The following MDFIC variants were observed in gnomAD, a reference collection of about 807,000 sequenced individuals.
MDFIC encodes the protein MyoD family inhibitor domain containing, also known as myoD family inhibitor domain-containing protein.
In MDFIC, 17 loss-of-function variants were observed where a neutral mutation model predicts 23.2. That is an observed-to-expected ratio of 0.73 (90% CI 0.50 to 1.10). The LOEUF is 1.10. Among genes scored for constraint, MDFIC ranks in the 50% least tolerant of loss-of-function variants. MDFIC has a pLI of 0.00. For missense variants in MDFIC, 356 were observed against 316.6 expected (o/e 1.12, Z -0.95); for synonymous variants, 120 against 115.2 (o/e 1.04, Z -0.27).
At chr7:114,973,522 C>T (rs1394026758) in intron 3 of MDFIC, among the ~76,000 whole-genome samples, 1 of 152,104 alleles carries the variant, frequency 6.6e-6, no homozygotes, top group Non-Finnish European at 1.5e-5. Context: ...CAAGGGAAAG[C>T]TGAGAAATGG....
At chr7:115,002,583 G>C (rs1791485957) in intron 4 of MDFIC, among the ~76,000 whole-genome samples, 1 of 152,170 alleles carries the variant, frequency 6.6e-6, no homozygotes, top group Non-Finnish European at 1.5e-5. Flanking sequence ...TTTTGGTGCT[G>C]TTCTTTTTAA....
At chr7:114,987,947 G>T (rs528300920) in intron 4 of MDFIC, among the ~76,000 whole-genome samples, 3 of 152,232 alleles carry the variant, frequency 2.0e-5, no homozygotes, top group African/African-American at 7.2e-5. Flanking sequence ...TATGTATTTG[G>T]TGAGGAGCAA....
chr7:114,963,178 G>C (rs1455969217), intron 3 of MDFIC, among the ~76,000 whole-genome samples: 1 of 152,146 alleles, frequency 6.6e-6, no homozygotes, highest in Non-Finnish European at 1.5e-5. Context: ...ATTTATAATG[G>C]TAATGGCGTA....
intron 4 of MDFIC, among the ~76,000 whole-genome samples, chr7:115,004,819 G>A (rs1791536799): frequency 1.3e-5 from 2 of 151,958 alleles, no homozygotes; most frequent in Admixed American, 1.3e-4. Context: ...ATGGACCAGA[G>A]TACACAGTTT....
chr7:115,010,784 T>G (rs562594409), intron 4 of MDFIC, among the ~76,000 whole-genome samples: 5 of 152,316 alleles, frequency 3.3e-5, no homozygotes, highest in African/African-American at 1.2e-4. Context: ...ATGTTTTAAA[T>G]TTATAGATTT....
At chr7:114,935,967 G>A (rs1333828116) in intron 2 of MDFIC, among the ~76,000 whole-genome samples, 2 of 152,104 alleles carry the variant, frequency 1.3e-5, no homozygotes, top group Non-Finnish European at 2.9e-5. Context: ...AACACTTAAT[G>A]TAATAATAAT....
chr7:114,967,367 G>A (rs913740717), intron 3 of MDFIC, among the ~76,000 whole-genome samples: 3 of 152,154 alleles, frequency 2.0e-5, no homozygotes, highest in Admixed American at 6.5e-5. Flanking sequence ...AAGGGAGAAT[G>A]CCCCCTCTTT....
At chr7:114,928,697 G>A (rs1036688691) in intron 2 of MDFIC, among the ~76,000 whole-genome samples, 3 of 152,078 alleles carry the variant, frequency 2.0e-5, no homozygotes, top group Admixed American at 2.0e-4. Context: ...TGTAGGAGTT[G>A]GTGACCACTG....
At chr7:114,946,705 A>C (rs547841029) in intron 3 of MDFIC, among the ~76,000 whole-genome samples, 23 of 152,288 alleles carry the variant, frequency 1.5e-4, no homozygotes, top group Admixed American at 2.6e-4. Flanking sequence ...CTTAATTGGC[A>C]GTAGAACGCA....
intron 2 of MDFIC, among the ~76,000 whole-genome samples, chr7:114,925,518 C>T (rs1792172181): frequency 6.6e-6 from 1 of 152,144 alleles, no homozygotes; most frequent in Admixed American, 6.5e-5. Flanking sequence ...GTTTTGAAAG[C>T]ATTAAAAAGC....
At chr7:114,991,065 A>G (rs1791147847) in intron 4 of MDFIC, among the ~76,000 whole-genome samples, 1 of 151,830 alleles carries the variant, frequency 6.6e-6, no homozygotes, top group Non-Finnish European at 1.5e-5. Flanking sequence ...ATGGTATCTC[A>G]TTGTGGTTTT....
At chr7:114,957,376 A>C (rs1182564227) in intron 3 of MDFIC, among the ~76,000 whole-genome samples, 2 of 152,172 alleles carry the variant, frequency 1.3e-5, no homozygotes, top group African/African-American at 4.8e-5. Context: ...TGGAATAAGC[A>C]GTCTTCCAAT....
intron 3 of MDFIC, among the ~76,000 whole-genome samples, chr7:114,963,044 A>G (rs1410831376): frequency 2.0e-5 from 3 of 152,182 alleles, no homozygotes; most frequent in African/African-American, 7.2e-5. Context: ...TTTTACATTT[A>G]TATACAGTTG....
chr7:114,984,571 G>C (rs1201174773), intron 4 of MDFIC, among the ~76,000 whole-genome samples: 2 of 151,982 alleles, frequency 1.3e-5, no homozygotes, highest in Non-Finnish European at 2.9e-5. Flanking sequence ...TATTAAATTT[G>C]TAGATTTCTA....
chr7:114,977,612 G>A lies in MDFIC; in HGVS notation c.218-1894G>A, dbSNP rs1032045692. The stretch of plus-strand genomic sequence containing the variant: ...AGCTCCAGAGTAGCCTAGGGATGTC[G>A]TAGAGGAATTTACCTAACTCCATGA... On this transcript the variant is annotated intron_variant, in intron 3 of 4. Transcript: ENST00000393486. 8.5e-5 allele frequency among the ~76,000 whole-genome samples: 13 copies of A among 152,184 alleles called. No homozygotes were observed. The East Asian group carries it at 2.3e-3, about 27-fold the overall frequency.
chr7:115,014,562 C>T lies in MDFIC; in HGVS notation c.494-1126C>T, dbSNP rs553295959. The T allele has an allele frequency of 6.0e-4, 756 of 1,263,612 alleles. 8 individuals are homozygous for T. The South Asian group carries it at 9.0e-3, about 15-fold the overall frequency. 78.3% of individuals were successfully genotyped at this position (1,263,612 alleles called of 1,614,324 possible). ...AGAGGGTGGGGTTGTTGTGTCTTATCGCTATTGTAGGTTGTGGAATCTTCT... is the reference window on the plus strand; with the variant it reads ...AGAGGGTGGGGTTGTTGTGTCTTATTGCTATTGTAGGTTGTGGAATCTTCT... On this transcript the variant is annotated intron_variant, in intron 4 of 4. Coordinates refer to ENST00000393486, the MANE Select transcript of MDFIC (RefSeq NM_001166345.3).
At chr7:114,922,663 G>A in intron 1 of MDFIC, 27 bp downstream of exon 1, 3 of 1,318,338 alleles carry the variant, frequency 2.3e-6, no homozygotes, top group African/African-American at 1.5e-5. Flanking sequence ...GGGCGGGGAA[G>A]AGGAGGGGTT....
intron 3 of MDFIC, among the ~76,000 whole-genome samples, chr7:114,971,393 A>G (rs1054158861): frequency 3.9e-5 from 6 of 152,164 alleles, no homozygotes; most frequent in African/African-American, 7.2e-5. Flanking sequence ...ACTTTTTTAT[A>G]TATATCCTTG....
chr7:114,935,307 T>TTATCAAATATTTAATTGAAGTG (rs1313879670), intron 2 of MDFIC, among the ~76,000 whole-genome samples: 2 of 152,086 alleles, frequency 1.3e-5, no homozygotes, highest in Non-Finnish European at 2.9e-5. Context: ...TCATAGATTA[T>TTATCAAATATTTAATTGAAGTG]TATCAAATAT....
Sources: allele counts gnomAD v4.1 joint callset (sites outside exome capture counted in the v4.1 genomes callset), GRCh38; gene constraint gnomAD v4.1.1; transcripts MANE v1.5; gene names NCBI Gene and HGNC (gene_info 2026-07-23, HGNC 2026-07-21).